CAPN13: variants seen among roughly 807,000 people sequenced by gnomAD.
The protein encoded by CAPN13 is calpain-13.
In CAPN13, 90 loss-of-function variants were observed where a neutral mutation model predicts 98.4. The observed-to-expected ratio is 0.92, with a 90% CI of 0.77 to 1.09. The LOEUF (loss-of-function observed/expected upper bound fraction) is 1.09, where lower values mean the gene tolerates loss of function less well. CAPN13 is among the 50% of genes least tolerant of loss of function. CAPN13 has a pLI of 0.00. For missense variants in CAPN13, 887 were observed against 841.3 expected (o/e 1.05, Z -0.67); for synonymous variants, 330 against 305.5 (o/e 1.08, Z -0.84).
intron 1 of CAPN13, among the ~76,000 whole-genome samples, chr2:30,795,655 C>T (rs1348467688): frequency 1.3e-5 from 2 of 152,028 alleles, no homozygotes; most frequent in African/African-American, 4.8e-5. Context: ...GGATATTCGT[C>T]TTTTGTTGGT....
intron 3 of CAPN13, among the ~76,000 whole-genome samples, chr2:30,777,256 G>A (rs185604516): frequency 9.8e-5 from 15 of 152,366 alleles, no homozygotes; most frequent in Admixed American, 7.2e-4. Flanking sequence ...GTTGCTAACT[G>A]AGTGTGTGAC....
intron 11 of CAPN13, among the ~76,000 whole-genome samples, chr2:30,750,007 G>A (rs72867134): frequency 0.024 from 3,613 of 152,302 alleles, 146 homozygotes; most frequent in African/African-American, 0.082. Flanking sequence ...ACACAGGCAT[G>A]TGACTGTGCA....
chr2:30,750,176 G>C (rs558618093), intron 11 of CAPN13, among the ~76,000 whole-genome samples: 1 of 152,286 alleles, frequency 6.6e-6, no homozygotes, highest in South Asian at 2.1e-4. Flanking sequence ...GGAGCTGGAA[G>C]CTATTATCCT....
At chr2:30,749,046 G>A (rs1207494596) in intron 11 of CAPN13, among the ~76,000 whole-genome samples, 2 of 152,138 alleles carry the variant, frequency 1.3e-5, no homozygotes, top group African/African-American at 2.4e-5. Context: ...CACCTCCAAG[G>A]TGCACCTTGC....
intron 11 of CAPN13, among the ~76,000 whole-genome samples, chr2:30,748,395 G>A (rs1672019342): frequency 6.6e-6 from 1 of 152,202 alleles, no homozygotes; most frequent in African/African-American, 2.4e-5. Flanking sequence ...CTTCTTGGAA[G>A]GACAGCTCAC....
intron 1 of CAPN13, among the ~76,000 whole-genome samples, chr2:30,788,343 A>G (rs943653134): frequency 6.6e-6 from 1 of 152,176 alleles, no homozygotes; most frequent in Non-Finnish European, 1.5e-5. Flanking sequence ...AAATGTTAGC[A>G]TCCCAATTTT....
In CAPN13 at chr2:30,787,042, G is replaced by T. The variant is rs1338595594; in HGVS notation, c.198+86C>A. 4 of 1,053,060 alleles carry T rather than the reference G, an allele frequency of 3.8e-6. No individual in the cohort carries two copies. The East Asian group carries it at 1.0e-4, about 27-fold the overall frequency. The allele number at this position is 1,053,060 out of a possible 1,614,324, so 65.2% of individuals were successfully genotyped here. A position where few individuals can be genotyped will look rare whatever the true frequency, so the allele number is the denominator to read the frequency against. On this transcript the variant is annotated intron_variant, in intron 2 of 22. Coordinates refer to ENST00000295055, the MANE Select transcript of CAPN13 (RefSeq NM_144575.3). Reference sequence around the variant, plus strand: ...TTTCATTCTCCTTCCAGTTTGGTTTGGCTCCACCTCCTTTTGGCTGGAGGT... The same window carrying T: ...TTTCATTCTCCTTCCAGTTTGGTTTTGCTCCACCTCCTTTTGGCTGGAGGT...
rs775833390 is a variant in CAPN13 at position 30,770,369 on chromosome 2, A to G, written c.468T>C (p.Arg156=). The change falls in exon 5 of 23, where the codon CGT becomes CGC. Residue 156 remains arginine, a synonymous_variant. Transcript: ENST00000295055. ...PVQGDKCLFV[R]PRHQNQEFWP... Reference sequence around the variant, plus strand: ...AGAACTCTTGGTTTTGGTGGCGAGGACGCACAAAGAGGCATTTATCTCCCT... The same window carrying G: ...AGAACTCTTGGTTTTGGTGGCGAGGGCGCACAAAGAGGCATTTATCTCCCT... 2 of 1,613,868 alleles carry G rather than the reference A, an allele frequency of 1.2e-6. No individual in the cohort carries two copies. The highest frequency in any genetic ancestry group is 1.7e-6 in the Non-Finnish European group (2 of 1,179,886).
At chr2:30,770,039 A>G (rs1250237256) in intron 5 of CAPN13, among the ~76,000 whole-genome samples, 8 of 152,160 alleles carry the variant, frequency 5.3e-5, no homozygotes, top group Admixed American at 3.9e-4. Context: ...CCGTGATATT[A>G]TTAAATATAT....
intron 1 of CAPN13, among the ~76,000 whole-genome samples, chr2:30,801,448 T>C (rs1572893763): frequency 6.7e-6 from 1 of 150,308 alleles, no homozygotes; most frequent in Non-Finnish European, 1.5e-5. Context: ...ACCCTAACAA[T>C]ACAAAAACTA....
At chr2:30,773,241 C>T (rs1242691425) in intron 4 of CAPN13, among the ~76,000 whole-genome samples, 3 of 152,158 alleles carry the variant, frequency 2.0e-5, no homozygotes, top group Admixed American at 2.0e-4. Flanking sequence ...GACAACGAAA[C>T]AATGTTTACA....
At chr2:30,802,550 G>T (rs866388238) in intron 1 of CAPN13, among the ~76,000 whole-genome samples, 4 of 150,782 alleles carry the variant, frequency 2.7e-5, no homozygotes, top group African/African-American at 4.9e-5. Context: ...GCTGGGGGGG[G>T]GGGGTGGTGG....
intron 2 of CAPN13, among the ~76,000 whole-genome samples, chr2:30,782,492 C>T (rs1674036122): frequency 6.6e-6 from 1 of 152,200 alleles, no homozygotes; most frequent in Non-Finnish European, 1.5e-5. Context: ...TTTTCATAAC[C>T]TAACCTGCAC....
chr2:30,745,717 C>T lies in CAPN13; in HGVS notation c.1248+6G>A, dbSNP rs1315347726. On this transcript the variant is annotated splice_donor_region_variant and intron_variant, in intron 12 of 22. Transcript: ENST00000295055. ...GGCGCAGGGCAAGGACGACGCTGAG[C>T]CATACCTGTGAGCCAGCCTGTTGGA... 1 of 1,596,582 alleles carries T rather than the reference C, an allele frequency of 6.3e-7. No individual in the cohort carries two copies. Among genetic ancestry groups the T allele is most frequent in the South Asian group, 1.1e-5 (1 of 89,740 alleles).
At chr2:30,762,850 G>C (rs551687784) in intron 7 of CAPN13, among the ~76,000 whole-genome samples, 2 of 152,218 alleles carry the variant, frequency 1.3e-5, no homozygotes, top group Non-Finnish European at 2.9e-5. Context: ...TCAGCAACAG[G>C]ACAGCAACAT....
At chr2:30,799,712 C>T (rs1481689531) in intron 1 of CAPN13, among the ~76,000 whole-genome samples, 1 of 152,112 alleles carries the variant, frequency 6.6e-6, no homozygotes, top group Non-Finnish European at 1.5e-5. Context: ...AACCTCTGAT[C>T]CACCGAGGGC....
chr2:30,801,965 G>T (rs1412439219), intron 1 of CAPN13, among the ~76,000 whole-genome samples: 1 of 152,146 alleles, frequency 6.6e-6, no homozygotes, highest in Non-Finnish European at 1.5e-5. Flanking sequence ...CTCTCAGATG[G>T]AGCTTTTTAA....
chr2:30,777,090 G>A (rs1201478003), intron 3 of CAPN13, among the ~76,000 whole-genome samples: 1 of 152,190 alleles, frequency 6.6e-6, no homozygotes, highest in African/African-American at 2.4e-5. Context: ...CTCTTTCTGA[G>A]GTTTCTCTTG....
At chr2:30,764,477 C>T (rs1321289939) in intron 5 of CAPN13, among the ~76,000 whole-genome samples, 171 bp from the exon 6 acceptor site, 1 of 152,190 alleles carries the variant, frequency 6.6e-6, no homozygotes, top group Non-Finnish European at 1.5e-5. Context: ...GCACTGTCTG[C>T]AGCTCCAGGG....
Sources: allele counts gnomAD v4.1 joint callset (sites outside exome capture counted in the v4.1 genomes callset), GRCh38; gene constraint gnomAD v4.1.1; transcripts MANE v1.5; gene names NCBI Gene and HGNC (gene_info 2026-07-23, HGNC 2026-07-21).